Variants in IGF1R observed in about 807,000 individuals in gnomAD.
IGF1R encodes the protein insulin like growth factor 1 receptor, also known as insulin-like growth factor 1 receptor.
IGF1R carries 44 observed loss-of-function variants against 144.6 expected under a neutral mutation model. The observed-to-expected ratio is 0.30, with a 90% CI of 0.24 to 0.39. IGF1R has a LOEUF of 0.39. IGF1R is among the 10% of genes least tolerant of loss of function. IGF1R has a pLI of 1.00. For synonymous variants in IGF1R, 795 were observed against 722.8 expected, an observed-to-expected ratio of 1.10 and a Z score of -1.60; for missense variants, 1,355 against 1,833.7, an observed-to-expected ratio of 0.74 and a Z score of 4.77.
At chr15:98,650,342 G>C (rs901235018) in intron 1 of IGF1R, among the ~76,000 whole-genome samples, 2 of 152,332 alleles carry the variant, frequency 1.3e-5, no homozygotes, top group African/African-American at 4.8e-5. Context: ...TCCTCGTTGG[G>C]TTACCTGCCC....
At chr15:98,825,421 G>T (rs561749136) in intron 2 of IGF1R, among the ~76,000 whole-genome samples, 7 of 152,298 alleles carry the variant, frequency 4.6e-5, no homozygotes, top group African/African-American at 1.7e-4. Context: ...GACCAGTCCC[G>T]GTCCATGGCC....
intron 1 of IGF1R, among the ~76,000 whole-genome samples, chr15:98,662,880 TTGTG>T (rs1394847865): frequency 1.3e-5 from 2 of 151,944 alleles, no homozygotes; most frequent in African/African-American, 4.8e-5. Context: ...AATCCGGTGT[TTGTG>T]TGGTGGGAAG....
At chr15:98,748,473 T>A (rs1478469204) in intron 2 of IGF1R, among the ~76,000 whole-genome samples, 1 of 152,192 alleles carries the variant, frequency 6.6e-6, no homozygotes, top group Non-Finnish European at 1.5e-5. Context: ...CCACATGCAG[T>A]CCGTGTACAC....
At chr15:98,925,045 A>G (rs960346954) in intron 13 of IGF1R, among the ~76,000 whole-genome samples, 3 of 151,660 alleles carry the variant, frequency 2.0e-5, no homozygotes, top group South Asian at 2.1e-4. Context: ...TGAATTGACC[A>G]TTCCACCTCC....
At chr15:98,897,043 C>A in intron 4 of IGF1R, 138 bp downstream of exon 4, 3 of 771,316 alleles carry the variant, frequency 3.9e-6, no homozygotes, top group South Asian at 1.6e-5. Context: ...TCACGCATGA[C>A]GTCTCTTCTT....
chr15:98,679,517 C>T (rs1054975774), intron 1 of IGF1R, among the ~76,000 whole-genome samples: 1 of 152,094 alleles, frequency 6.6e-6, no homozygotes. Context: ...CTAGGGATAT[C>T]GTGTCTGTTG....
At chr15:98,895,222 CCA>C (rs10704966) in intron 3 of IGF1R, among the ~76,000 whole-genome samples, 21,396 of 142,680 alleles carry the variant, frequency 0.15, 1,627 homozygotes, top group Admixed American at 0.19. Flanking sequence ...TGACACAGCA[CCA>C]CACACACACA....
chr15:98,701,234 C>T (rs1170992327), intron 1 of IGF1R, among the ~76,000 whole-genome samples: 1 of 151,660 alleles, frequency 6.6e-6, no homozygotes, highest in African/African-American at 2.4e-5. Flanking sequence ...TGTGCTTTAC[C>T]TTCACAGTGT....
At chr15:98,895,655 A>C (rs1344423471) in intron 3 of IGF1R, among the ~76,000 whole-genome samples, 1 of 152,174 alleles carries the variant, frequency 6.6e-6, no homozygotes, top group Non-Finnish European at 1.5e-5. Flanking sequence ...AGTTTTGTTT[A>C]CCTGTTAGCT....
rs983101543 is a variant in IGF1R at position 98,964,320 on chromosome 15, G to A, written c.*6878G>A. The A allele has an allele frequency of 1.7e-5, 4 of 231,088 alleles. No individual in the cohort carries two copies. The highest frequency in any genetic ancestry group is 8.9e-5 in the African/African-American group (4 of 45,116). 14.3% of individuals were successfully genotyped at this position (231,088 alleles called of 1,614,324 possible). A position where few individuals can be genotyped will look rare whatever the true frequency, so the allele number is the denominator to read the frequency against. ...AAAATCCTGTTTATATAAAAAATCA[G>A]TAGATGAAAAAAATTTCAAAATGTT... On this transcript the variant is annotated 3_prime_UTR_variant, in exon 21 of 21. Transcript: ENST00000650285.
chr15:98,698,802 A>G (rs1265593167), intron 1 of IGF1R, among the ~76,000 whole-genome samples: 8 of 152,218 alleles, frequency 5.3e-5, no homozygotes. Context: ...CTGTTTTGAC[A>G]CCACATCCAT....
At chr15:98,839,159 G>C (rs993641134) in intron 2 of IGF1R, among the ~76,000 whole-genome samples, 9 of 152,202 alleles carry the variant, frequency 5.9e-5, no homozygotes, top group African/African-American at 2.2e-4. Context: ...TCTATGCCAG[G>C]TACTATTCTA....
At chr15:98,739,608 AAAAG>A (rs1406452152) in intron 2 of IGF1R, among the ~76,000 whole-genome samples, 1 of 35,494 alleles carries the variant, frequency 2.8e-5, no homozygotes, top group African/African-American at 7.3e-5. Flanking sequence ...ACCTTTGCTA[AAAAG>A]AAAAAAAAAT....
intron 2 of IGF1R, among the ~76,000 whole-genome samples, chr15:98,850,745 T>G (rs958955773): frequency 6.0e-5 from 9 of 149,040 alleles, no homozygotes; most frequent in East Asian, 2.0e-4. Flanking sequence ...TGGCACTTGG[T>G]GGGGGGGGGT....
chr15:98,951,614 G>A (rs541822945), intron 20 of IGF1R, among the ~76,000 whole-genome samples: 6 of 152,346 alleles, frequency 3.9e-5, no homozygotes, highest in East Asian at 3.9e-4. Context: ...GCTGTCCGCC[G>A]GGGCTGCAGT....
chr15:98,651,552 TTG>T (rs986365284), intron 1 of IGF1R, among the ~76,000 whole-genome samples: 1 of 152,240 alleles, frequency 6.6e-6, no homozygotes, highest in African/African-American at 2.4e-5. Flanking sequence ...TTCTCTAGTT[TTG>T]TGTTTTTAAT....
chr15:98,916,068 A>C lies in IGF1R; in HGVS notation c.1933A>C (p.Ile645Leu). 2 of 1,614,160 alleles carry C rather than the reference A, an allele frequency of 1.2e-6. No individual in the cohort carries two copies. The highest frequency in any genetic ancestry group is 1.7e-6 in the Non-Finnish European group (2 of 1,180,018). Residue 645 changes from isoleucine to leucine, a missense_variant, in exon 9 of 21, where the codon ATT (isoleucine) becomes CTT (leucine). Around this residue, in one of 7 missense-constraint regions of IGF1R, gnomAD observed 880 missense variants for 1,202.7 expected, o/e 0.73. Coordinates refer to ENST00000650285, the MANE Select transcript of IGF1R (RefSeq NM_000875.5). ...SLPNGNLSYY[I>L]VRWQRQPQDG... ...GCCCAACGGCAACCTGAGTTACTACATTGTGCGCTGGCAGCGGCAGCCTCA... is the reference window on the plus strand; with the variant it reads ...GCCCAACGGCAACCTGAGTTACTACCTTGTGCGCTGGCAGCGGCAGCCTCA...
At chr15:98,870,039 A>G (rs1471110943) in intron 2 of IGF1R, among the ~76,000 whole-genome samples, 3 of 152,246 alleles carry the variant, frequency 2.0e-5, no homozygotes. Context: ...AGTACAGTGT[A>G]CACTAGTGGA....
At position 98,871,855 on chromosome 15, in the gene IGF1R, A is replaced by G. The variant is rs2012803999; in HGVS notation, c.641-19470A>G. On this transcript the variant is annotated intron_variant, in intron 2 of 20. Coordinates refer to ENST00000650285, the MANE Select transcript of IGF1R (RefSeq NM_000875.5). ...GATTTGGGTGGGGACACAGAGCCAAACCATATCACTGTGTAAAAGTTGAAT... is the reference window on the plus strand; with the variant it reads ...GATTTGGGTGGGGACACAGAGCCAAGCCATATCACTGTGTAAAAGTTGAAT... Among the ~76,000 whole-genome samples the G allele has an allele frequency of 1.3e-5, 2 of 152,242 alleles. 1 individual carries two copies. Among genetic ancestry groups the G allele is most frequent in the South Asian group, 4.1e-4 (2 of 4,830 alleles).
Sources: allele counts gnomAD v4.1 joint callset (sites outside exome capture counted in the v4.1 genomes callset), GRCh38; gene constraint gnomAD v4.1.1; regional missense constraint gnomAD v4.1.1; transcripts MANE v1.5; gene names NCBI Gene and HGNC (gene_info 2026-07-23, HGNC 2026-07-21).